Variants in TSPAN5 observed in about 807,000 individuals in gnomAD.
The protein encoded by TSPAN5 is tetraspanin-5.
TSPAN5 carries 10 observed loss-of-function variants against 37.1 expected under a neutral mutation model. That is an observed-to-expected ratio of 0.27 (90% CI 0.17 to 0.46). The LOEUF is 0.46. Ranked by LOEUF, TSPAN5 falls within the 20% of genes least tolerant of loss-of-function variation. The pLI is 1.00. For missense variants in TSPAN5, 195 were observed against 326.6 expected (o/e 0.60, Z 3.11); for synonymous variants, 110 against 118.9 (o/e 0.93, Z 0.48).
intron 1 of TSPAN5, among the ~76,000 whole-genome samples, chr4:98,511,624 T>C (rs1314290792): frequency 6.6e-6 from 1 of 152,206 alleles, no homozygotes; most frequent in African/African-American, 2.4e-5. Context: ...GCTGCACTGG[T>C]AAGTGTAAAG....
intron 1 of TSPAN5, among the ~76,000 whole-genome samples, chr4:98,598,533 G>C (rs1259218252): frequency 2.6e-5 from 4 of 151,852 alleles, no homozygotes; most frequent in Non-Finnish European, 5.9e-5. Context: ...GGCGCGGTCT[G>C]TGCTCACTGC....
intron 2 of TSPAN5, among the ~76,000 whole-genome samples, chr4:98,506,539 T>C (rs1169629197): frequency 6.6e-6 from 1 of 152,256 alleles, no homozygotes; most frequent in Non-Finnish European, 1.5e-5. Flanking sequence ...TTATATGGTC[T>C]GTCTGAACAT....
intron 1 of TSPAN5, among the ~76,000 whole-genome samples, chr4:98,519,651 T>G (rs1395363396): frequency 6.6e-6 from 1 of 152,238 alleles, no homozygotes; most frequent in Non-Finnish European, 1.5e-5. Context: ...ATTTACAAAG[T>G]TAGGAATACT....
At chr4:98,476,498 A>T (rs764390885) in intron 5 of TSPAN5, 38 bp from the exon 6 acceptor site, 1 of 1,607,596 alleles carries the variant, frequency 6.2e-7, no homozygotes, top group Middle Eastern at 1.8e-4. Context: ...AAATTTACTC[A>T]TTAGACAGAA....
Position 98,551,492 on chromosome 4 carries a change from C to CTTTTTTTTTTTTTTT in TSPAN5, c.82-43779_82-43765dup, listed in dbSNP as rs35415457. On this transcript the variant is annotated intron_variant, in intron 1 of 7. Coordinates refer to ENST00000305798, the MANE Select transcript of TSPAN5 (RefSeq NM_005723.4). Reference sequence around the variant, plus strand: ...TGTATGGTTTTTTCCTTTTTCTTTTCTTTTTTTTTTTTTTTTTGAGATGGA... The same window carrying CTTTTTTTTTTTTTTT: ...TGTATGGTTTTTTCCTTTTTCTTTTCTTTTTTTTTTTTTTTTTTTTTTTTTTTTTTTTGAGATGGA... 2.0e-4 allele frequency among the ~76,000 whole-genome samples: 18 copies of CTTTTTTTTTTTTTTT among 92,234 alleles called. 1 individual carries two copies. Among genetic ancestry groups the CTTTTTTTTTTTTTTT allele is most frequent in the African/African-American group, 6.2e-4 (15 of 24,102 alleles). The allele number at this position is 92,234 out of a possible 152,430, so 60.5% of individuals were successfully genotyped here.
At chr4:98,494,085 T>A (rs952903805) in intron 2 of TSPAN5, among the ~76,000 whole-genome samples, 2 of 152,192 alleles carry the variant, frequency 1.3e-5, no homozygotes, top group African/African-American at 4.8e-5. Context: ...GGTCCATGTC[T>A]GAGGCAATAG....
chr4:98,629,279 A>C (rs1303015125), intron 1 of TSPAN5, among the ~76,000 whole-genome samples: 2 of 152,228 alleles, frequency 1.3e-5, no homozygotes, highest in Admixed American at 1.3e-4. Context: ...GCACACAACC[A>C]AGATTGCAGG....
intron 7 of TSPAN5, among the ~76,000 whole-genome samples, chr4:98,474,288 G>A (rs953346369): frequency 2.6e-5 from 4 of 152,114 alleles, no homozygotes; most frequent in Non-Finnish European, 4.4e-5. Flanking sequence ...TGAAATGACT[G>A]CTCTTTCCCT....
At chr4:98,518,132 T>C (rs1249056469) in intron 1 of TSPAN5, among the ~76,000 whole-genome samples, 2 of 151,168 alleles carry the variant, frequency 1.3e-5, no homozygotes, top group African/African-American at 2.4e-5. Context: ...TAGGCTCAAG[T>C]GATCCTCCCC....
intron 1 of TSPAN5, among the ~76,000 whole-genome samples, chr4:98,527,497 T>C (rs768815089): frequency 1.8e-4 from 27 of 152,232 alleles, no homozygotes; most frequent in Non-Finnish European, 3.1e-4. Context: ...GCTATATTAA[T>C]ATCCCCTTAC....
At position 98,637,510 on chromosome 4, in the gene TSPAN5, T is replaced by C. The variant is rs569514713; in HGVS notation, c.81+20636A>G. 3.9e-5 allele frequency among the ~76,000 whole-genome samples: 6 copies of C among 152,316 alleles called. No homozygotes were observed. The South Asian group carries it at 1.2e-3, about 32-fold the overall frequency. ...TTGACTAAATGTCATTAATATTCAT[T>C]TTGCAAACAACAGGAGTGGTGTTTC... On this transcript the variant is annotated intron_variant, in intron 1 of 7. Coordinates refer to ENST00000305798, the MANE Select transcript of TSPAN5 (RefSeq NM_005723.4).
At chr4:98,587,401 T>C (rs1215318399) in intron 1 of TSPAN5, among the ~76,000 whole-genome samples, 2 of 152,186 alleles carry the variant, frequency 1.3e-5, no homozygotes, top group African/African-American at 2.4e-5. Flanking sequence ...TGCCAATTTG[T>C]CTCATACCTT....
rs550451905 is a variant in TSPAN5, at chr4:98,609,783, C to T, written c.81+48363G>A. ...TCCCTTACCTAGGGAGGCAAGAAGA[C>T]CCCACACCCAGAAAGGCAGGTCTGG... is the stretch of plus-strand genomic sequence containing the variant. On this transcript the variant is annotated intron_variant, in intron 1 of 7. Transcript: ENST00000305798. 2.1e-3 allele frequency among the ~76,000 whole-genome samples: 319 copies of T among 152,258 alleles called. 3 individuals carry two copies. The highest frequency in any genetic ancestry group is 8.6e-3 in the Admixed American group (131 of 15,292).
chr4:98,472,009 G>A lies in TSPAN5; in HGVS notation c.*513C>T, dbSNP rs1220903061. The A allele has an allele frequency of 1.3e-5, 2 of 152,316 alleles. No homozygotes were observed. The highest frequency in any genetic ancestry group is 4.8e-5 in the African/African-American group (2 of 41,432). 9.4% of individuals were successfully genotyped at this position (152,316 alleles called of 1,614,324 possible). A position where few individuals can be genotyped will look rare whatever the true frequency, so the allele number is the denominator to read the frequency against. ...ATGAGTTGTTTTCTTCTTCAGATGA[G>A]AGTTGCAAGTGTTTCCTAAAATGTA... On this transcript the variant is annotated 3_prime_UTR_variant, in exon 8 of 8. Coordinates refer to ENST00000305798, the MANE Select transcript of TSPAN5 (RefSeq NM_005723.4).
At chr4:98,654,905 G>C (rs553885814) in intron 1 of TSPAN5, among the ~76,000 whole-genome samples, 1 of 152,242 alleles carries the variant, frequency 6.6e-6, no homozygotes, top group East Asian at 1.9e-4. Context: ...GGAGTACAGT[G>C]GTGTGATCTT....
rs188510796 is a variant in TSPAN5, at chr4:98,627,887, A to G, written c.81+30259T>C. On this transcript the variant is annotated intron_variant, in intron 1 of 7. Coordinates refer to ENST00000305798, the MANE Select transcript of TSPAN5 (RefSeq NM_005723.4). ...TAAATATAAAACAAGAGGGAAAAAA[A>G]CAACAGCACTAGGTTATAAAAGAAC... is the stretch of plus-strand genomic sequence containing the variant. 1.7e-3 allele frequency among the ~76,000 whole-genome samples: 252 copies of G among 152,374 alleles called. 1 individual carries two copies. The Middle Eastern group carries it at 0.034, about 21-fold the overall frequency.
chr4:98,619,371 A>G (rs1756428150), intron 1 of TSPAN5, among the ~76,000 whole-genome samples: 2 of 152,206 alleles, frequency 1.3e-5, no homozygotes, highest in African/African-American at 4.8e-5. Flanking sequence ...TGAGATCATG[A>G]GCATGAAACA....
intron 1 of TSPAN5, among the ~76,000 whole-genome samples, chr4:98,556,492 C>T (rs1754754441): frequency 6.6e-6 from 1 of 152,176 alleles, no homozygotes; most frequent in East Asian, 1.9e-4. Flanking sequence ...ACGTACCTGG[C>T]AGGGGAGATT....
At chr4:98,634,468 A>G (rs1301050362) in intron 1 of TSPAN5, among the ~76,000 whole-genome samples, 1 of 152,248 alleles carries the variant, frequency 6.6e-6, no homozygotes, top group Non-Finnish European at 1.5e-5. Context: ...ACATGCACAA[A>G]AATGTACTTT....
Sources: allele counts gnomAD v4.1 joint callset (sites outside exome capture counted in the v4.1 genomes callset), GRCh38; gene constraint gnomAD v4.1.1; transcripts MANE v1.5; gene names NCBI Gene and HGNC (gene_info 2026-07-23, HGNC 2026-07-21).